The following TLK1 variants were observed in gnomAD, a reference collection of about 807,000 sequenced individuals.
The protein encoded by TLK1 is tousled like kinase 1, also known as serine/threonine-protein kinase tousled-like 1.
In TLK1, 24 loss-of-function variants were observed where a neutral mutation model predicts 105.3. That is an observed-to-expected ratio of 0.23 (90% CI 0.17 to 0.32). The LOEUF (loss-of-function observed/expected upper bound fraction) is 0.32. Among genes scored for constraint, TLK1 ranks in the 10% least tolerant of loss-of-function variants. The pLI, the probability that TLK1 is intolerant of heterozygous loss-of-function variation, is 1.00. For missense variants in TLK1, 558 were observed against 910.5 expected, an observed-to-expected ratio of 0.61 and a Z score of 4.98; for synonymous variants, 321 against 310.4, an observed-to-expected ratio of 1.03 and a Z score of -0.36.
intron 3 of TLK1, chr2:171,067,101 T>C: frequency 3.4e-6 from 3 of 893,652 alleles, no homozygotes; most frequent in Non-Finnish European, 4.8e-6. Context: ...TGTACAATTA[T>C]TTCTCTGGTA....
At chr2:171,165,559 A>G (rs1198194395), upstream of TLK1, among the ~76,000 whole-genome samples, 1 of 139,830 alleles carries the variant, frequency 7.2e-6, no homozygotes, top group Admixed American at 7.3e-5. Flanking sequence ...TAACTTCTAA[A>G]TTCAAGGGAA....
chr2:171,203,176 T>G (rs1306177064), intron 1 of TLK1, among the ~76,000 whole-genome samples: 1 of 152,222 alleles, frequency 6.6e-6, no homozygotes, highest in Non-Finnish European at 1.5e-5. Flanking sequence ...TAAAAAATGT[T>G]TAATTGTGGT....
At chr2:171,102,066 T>C (rs1324474303) in intron 2 of TLK1, among the ~76,000 whole-genome samples, 2 of 152,196 alleles carry the variant, frequency 1.3e-5, no homozygotes, top group Non-Finnish European at 2.9e-5. Flanking sequence ...GTTCCTCCCT[T>C]CTCACTCAAA....
chr2:171,190,883 G>A (rs963535999), intron 1 of TLK1, among the ~76,000 whole-genome samples: 19 of 151,508 alleles, frequency 1.3e-4, no homozygotes, highest in African/African-American at 4.4e-4. Context: ...TGTTCTTCTG[G>A]CTGGGCGTGG....
chr2:171,079,473 T>C (rs1434289111), intron 3 of TLK1, among the ~76,000 whole-genome samples: 1 of 152,238 alleles, frequency 6.6e-6, no homozygotes, highest in African/African-American at 2.4e-5. Context: ...TATTCATCTT[T>C]ATATTCTCTG....
intron 3 of TLK1, among the ~76,000 whole-genome samples, chr2:171,080,622 T>C (rs949287612): frequency 6.6e-6 from 1 of 151,084 alleles, no homozygotes; most frequent in Non-Finnish European, 1.5e-5. Flanking sequence ...GTATAATCTG[T>C]AGTCATTTCT....
intron 4 of TLK1, 33 bp downstream of exon 4, chr2:171,061,048 A>C (rs1186560463): frequency 6.3e-7 from 1 of 1,587,418 alleles, no homozygotes; most frequent in Non-Finnish European, 8.6e-7. Context: ...TTAAGTGTCC[A>C]CTAGGCTCTG....
chr2:171,003,301 A>C (rs1219202965), intron 18 of TLK1, among the ~76,000 whole-genome samples: 1 of 144,562 alleles, frequency 6.9e-6, no homozygotes, highest in Admixed American at 7.1e-5. Context: ...AAAAAAAAAA[A>C]AAAAGTACAA....
chr2:171,022,098 C>CACAGACACACACAG (rs760493142), intron 12 of TLK1, among the ~76,000 whole-genome samples: 35 of 150,984 alleles, frequency 2.3e-4, no homozygotes, highest in Admixed American at 9.2e-4. Context: ...CACACACACA[C>CACAGACACACACAG]ACACACACAC....
chr2:171,055,840 T>C (rs1487486837), intron 6 of TLK1, among the ~76,000 whole-genome samples: 1 of 152,068 alleles, frequency 6.6e-6, no homozygotes, highest in Non-Finnish European at 1.5e-5. Context: ...AGTGAAACTC[T>C]GATTTTTAAA....
At chr2:171,126,132 T>C (rs1690856512) in intron 1 of TLK1, among the ~76,000 whole-genome samples, 1 of 152,204 alleles carries the variant, frequency 6.6e-6, no homozygotes, top group African/African-American at 2.4e-5. Flanking sequence ...CCACCTGTCT[T>C]TTAATTATGC....
At chr2:171,069,658 T>C (rs1269642142) in intron 3 of TLK1, among the ~76,000 whole-genome samples, 1 of 152,176 alleles carries the variant, frequency 6.6e-6, no homozygotes, top group East Asian at 1.9e-4. Flanking sequence ...ACATTAAGAA[T>C]CATTTGTAGT....
At chr2:171,056,377 G>T in intron 6 of TLK1, 94 bp downstream of exon 6, 1 of 892,884 alleles carries the variant, frequency 1.1e-6, no homozygotes, top group Non-Finnish European at 1.7e-6. Flanking sequence ...TATTTATATA[G>T]AAGTTCTCAA....
chr2:171,077,747 T>A (rs373512391), intron 3 of TLK1, among the ~76,000 whole-genome samples: 2 of 152,226 alleles, frequency 1.3e-5, no homozygotes, highest in African/African-American at 4.8e-5. Flanking sequence ...TTTACTATTT[T>A]AGGATTTTAA....
At chr2:171,130,175 G>A (rs909888757) in intron 1 of TLK1, among the ~76,000 whole-genome samples, 1 of 152,116 alleles carries the variant, frequency 6.6e-6, no homozygotes, top group African/African-American at 2.4e-5. Context: ...AGGCTGAGGC[G>A]GGCAGATCAC....
At chr2:171,221,554 G>A (rs573050585) in intron 1 of TLK1, among the ~76,000 whole-genome samples, 7 of 152,118 alleles carry the variant, frequency 4.6e-5, no homozygotes, top group African/African-American at 7.2e-5. Flanking sequence ...AATATGGTCC[G>A]ATCTATTTTT....
chr2:171,100,406 AT>A (rs2105503946), intron 2 of TLK1, among the ~76,000 whole-genome samples: 1 of 152,158 alleles, frequency 6.6e-6, no homozygotes, highest in East Asian at 1.9e-4. Context: ...GCAAGACTGG[AT>A]TTAGTTCCAG....
intron 11 of TLK1, among the ~76,000 whole-genome samples, chr2:171,036,712 CTG>C (rs899809207): frequency 1.3e-5 from 2 of 152,146 alleles, no homozygotes; most frequent in African/African-American, 4.8e-5. Flanking sequence ...TGAAGAAAAA[CTG>C]TGTCTCAGGG....
chr2:171,009,503 C>T (rs1328118041), intron 14 of TLK1, among the ~76,000 whole-genome samples: 1 of 151,804 alleles, frequency 6.6e-6, no homozygotes, highest in African/African-American at 2.4e-5. Context: ...GAAACGGGTT[C>T]GCCATGTTGC....
Sources: allele counts gnomAD v4.1 joint callset (sites outside exome capture counted in the v4.1 genomes callset), GRCh38; gene constraint gnomAD v4.1.1; transcripts MANE v1.5; gene names NCBI Gene and HGNC (gene_info 2026-07-23, HGNC 2026-07-21).